The following GAL3ST2 variants were observed in gnomAD, a reference collection of about 807,000 sequenced individuals.
The protein encoded by GAL3ST2 is galactose-3-O-sulfotransferase 2.
GAL3ST2 carries 16 observed loss-of-function variants against 12.9 expected under a neutral mutation model. The ratio of observed to expected loss-of-function variants is 1.24; its 90% CI spans 0.84 to 1.88. The LOEUF is 1.88. Ranked by LOEUF, GAL3ST2 falls within the 40% of genes most tolerant of loss-of-function variation. The pLI, the probability that GAL3ST2 is intolerant of heterozygous loss-of-function variation, is 0.00. For missense variants in GAL3ST2, 639 were observed against 571.8 expected (o/e 1.12, Z -1.20); for synonymous variants, 302 against 273.9 (o/e 1.10, Z -1.01).
At chr2:241,786,303 A>G (rs1282562752) in intron 1 of GAL3ST2, among the ~76,000 whole-genome samples, 1 of 152,032 alleles carries the variant, frequency 6.6e-6, no homozygotes. Context: ...AACAGAGACA[A>G]ACAACAACAA....
intron 1 of GAL3ST2, among the ~76,000 whole-genome samples, chr2:241,796,482 C>T (rs1021249774): frequency 2.0e-5 from 3 of 147,642 alleles, no homozygotes; most frequent in African/African-American, 2.5e-5. Context: ...ATGGTCGTCA[C>T]GTATCAGGGC....
chr2:241,784,463 G>A (rs553313845), intron 1 of GAL3ST2, among the ~76,000 whole-genome samples: 1 of 152,290 alleles, frequency 6.6e-6, no homozygotes, highest in Non-Finnish European at 1.5e-5. Context: ...GAAATTGCTT[G>A]ATTAACAAAT....
intron 1 of GAL3ST2, among the ~76,000 whole-genome samples, chr2:241,788,386 A>AT (rs879352974): frequency 1.9e-4 from 29 of 149,370 alleles, no homozygotes; most frequent in Admixed American, 4.7e-4. Context: ...TCTTGGCTGT[A>AT]TTTTTTTTTT....
intron 1 of GAL3ST2, among the ~76,000 whole-genome samples, chr2:241,788,942 G>A (rs1699660288): frequency 6.6e-6 from 1 of 152,014 alleles, no homozygotes; most frequent in Non-Finnish European, 1.5e-5. Flanking sequence ...AAAAAAAAAA[G>A]TGGGAAACAA....
In GAL3ST2 at chr2:241,801,665, T is replaced by G; in HGVS notation, c.120-116T>G. On this transcript the variant is annotated intron_variant, in intron 2 of 3. Coordinates refer to ENST00000192314, the MANE Select transcript of GAL3ST2 (RefSeq NM_022134.3). This position sits in a 1 kb window ranked among gnomAD's most constrained non-coding sequence, Gnocchi z 4.4. Reference sequence around the variant, plus strand: ...ACCCAGTTGGCCCCCTGGCCTAGAGTTGGGGGGCTCAGGTTGGGAGGTCTC... The same window carrying G: ...ACCCAGTTGGCCCCCTGGCCTAGAGGTGGGGGGCTCAGGTTGGGAGGTCTC... 7.3e-7 allele frequency: 1 copy of G among 1,369,466 alleles called. No homozygotes were observed. The highest frequency in any genetic ancestry group is 9.8e-7 in the Non-Finnish European group (1 of 1,023,642). 84.8% of individuals were successfully genotyped at this position (1,369,466 alleles called of 1,614,324 possible). A position where few individuals can be genotyped will look rare whatever the true frequency, so the allele number is the denominator to read the frequency against.
intron 1 of GAL3ST2, among the ~76,000 whole-genome samples, chr2:241,789,053 C>G (rs751765498): frequency 1.3e-5 from 2 of 152,172 alleles, no homozygotes; most frequent in Admixed American, 1.3e-4. Flanking sequence ...GGAAGTAAGA[C>G]AGTCTTTGTG....
At position 241,803,904 on chromosome 2, in the gene GAL3ST2, C is replaced by G. The variant is rs1324337637; in HGVS notation, c.935C>G (p.Ala312Gly). 3.5e-6 allele frequency: 5 copies of G among 1,414,934 alleles called. No individual in the cohort carries two copies. The highest frequency in any genetic ancestry group is 4.6e-6 in the Non-Finnish European group (5 of 1,092,124). The allele number at this position is 1,414,934 out of a possible 1,614,324, so 87.6% of individuals were successfully genotyped here. A position where few individuals can be genotyped will look rare whatever the true frequency, so the allele number is the denominator to read the frequency against. ...CGCGGGGAGGTGGAGCGGCTGCGCG[C>G]CCGGAGGCGCGAACTCGCGAGCCTG... Reference protein sequence around the residue: ...RLRGEVERLRARRRELASLCL... With the variant: ...RLRGEVERLRGRRRELASLCL... The change falls in exon 4 of 4, where the codon GCC (alanine) becomes GGC (glycine). Residue 312 changes from alanine to glycine, a missense_variant. Transcript: ENST00000192314.
At chr2:241,788,236 G>C (rs1699651020) in intron 1 of GAL3ST2, among the ~76,000 whole-genome samples, 1 of 152,124 alleles carries the variant, frequency 6.6e-6, no homozygotes, top group African/African-American at 2.4e-5. Flanking sequence ...CTGTTTTCCT[G>C]TATTGCATTA....
At chr2:241,778,956 AG>A (rs1185371580) in intron 1 of GAL3ST2, among the ~76,000 whole-genome samples, 5 of 152,092 alleles carry the variant, frequency 3.3e-5, no homozygotes, top group Non-Finnish European at 5.9e-5. Flanking sequence ...CAGTGAGCAG[AG>A]GGGAGACTTT....
chr2:241,798,653 C>T (rs1477495858), intron 1 of GAL3ST2, among the ~76,000 whole-genome samples: 3 of 152,152 alleles, frequency 2.0e-5, no homozygotes, highest in African/African-American at 4.8e-5. Context: ...GTCCATTGCA[C>T]CAAACTCTCA....
At position 241,793,475 on chromosome 2, in the gene GAL3ST2, T is replaced by C. The variant is rs905476514; in HGVS notation, c.30-5590T>C. On this transcript the variant is annotated intron_variant, in intron 1 of 3. Coordinates refer to ENST00000192314, the MANE Select transcript of GAL3ST2 (RefSeq NM_022134.3). The surrounding 1 kb of genome is among the most constrained non-coding windows in gnomAD (Gnocchi z 4.7). ...GTGTATGCGTGTGTATGTGTATGCA[T>C]GTGTATTATATGTACATATTGTGTA... Among the ~76,000 whole-genome samples, 3 of 152,132 alleles carry C rather than the reference T, an allele frequency of 2.0e-5. No individual in the cohort carries two copies. Among genetic ancestry groups the C allele is most frequent in the African/African-American group, 7.2e-5 (3 of 41,414 alleles).
rs777946874 is a variant in GAL3ST2 at position 241,803,563 on chromosome 2, C to A, written c.594C>A (p.Gly198=). ...AGAACAACATGTGGTTCGACTTCGG[C>A]TTCGACCCCAACGCGCAGTGCGAGG... ...YAKNNMWFDF[G]FDPNAQCEEG... is the part of the protein sequence containing the mutation. Residue 198 remains glycine, a synonymous_variant, in exon 4 of 4, where the codon GGC becomes GGA. Transcript: ENST00000192314. 1 of 1,602,246 alleles carries A rather than the reference C, an allele frequency of 6.2e-7. No homozygotes were observed. The highest frequency in any genetic ancestry group is 8.5e-7 in the Non-Finnish European group (1 of 1,174,308).
chr2:241,803,820 A>G lies in GAL3ST2; in HGVS notation c.851A>G (p.Glu284Gly). The G allele has an allele frequency of 1.3e-6, 2 of 1,493,570 alleles. No homozygotes were observed. Among genetic ancestry groups the G allele is most frequent in the Non-Finnish European group, 1.8e-6 (2 of 1,129,918 alleles). The allele number at this position is 1,493,570 out of a possible 1,614,324, so 92.5% of individuals were successfully genotyped here. ...TGCGCGCTGGACTGGCGCCTGTACGAGCATTTCAACCGCACCCTCTGGGCG... is the reference window on the plus strand; with the variant it reads ...TGCGCGCTGGACTGGCGCCTGTACGGGCATTTCAACCGCACCCTCTGGGCG... ...SWCALDWRLY[E>G]HFNRTLWAQL... The change falls in exon 4 of 4, where the codon GAG becomes GGG. Residue 284 changes from glutamate (E) to glycine (G), a missense_variant. Physicochemically the swap from Glu to Gly is moderately conservative, Grantham distance 98 (BLOSUM62 -2). Coordinates refer to ENST00000192314, the MANE Select transcript of GAL3ST2 (RefSeq NM_022134.3).
rs1310370512 is a variant in GAL3ST2, at chr2:241,803,819, G to T, written c.850G>T (p.Glu284Ter). 7 of 1,493,706 alleles carry T rather than the reference G, an allele frequency of 4.7e-6. No homozygotes were observed. The Admixed American group carries it at 1.2e-4, about 26-fold the overall frequency. The allele number at this position is 1,493,706 out of a possible 1,614,324, so 92.5% of individuals were successfully genotyped here. ...GTGCGCGCTGGACTGGCGCCTGTAC[G>T]AGCATTTCAACCGCACCCTCTGGGC... The part of the protein sequence containing the change: ...SWCALDWRLY[E>*]HFNRTLWAQL... Residue 284 changes from glutamate to a stop codon, truncating the protein, a stop_gained, in exon 4 of 4, where the codon GAG (glutamate) becomes TAG (stop). Coordinates refer to ENST00000192314, the MANE Select transcript of GAL3ST2 (RefSeq NM_022134.3). LOFTEE classifies it low-confidence loss of function (END_TRUNC).
At position 241,801,475 on chromosome 2, in the gene GAL3ST2, G is replaced by A; in HGVS notation, c.120-306G>A. The A allele has an allele frequency of 2.1e-6, 1 of 480,508 alleles. No homozygotes were observed. The highest frequency in any genetic ancestry group is 3.7e-6 in the Non-Finnish European group (1 of 269,512). 29.8% of individuals were successfully genotyped at this position (480,508 alleles called of 1,614,324 possible). ...AACTCAGTTTTAAGGTGGGTCTGGG[G>A]TCCCCTTGGCCAAGATGGGGTTCAT... On this transcript the variant is annotated intron_variant, in intron 2 of 3. Coordinates refer to ENST00000192314, the MANE Select transcript of GAL3ST2 (RefSeq NM_022134.3). This position sits in a 1 kb window ranked among gnomAD's most constrained non-coding sequence, Gnocchi z 4.4.
chr2:241,802,569 C>T lies in GAL3ST2; in HGVS notation c.375+533C>T, dbSNP rs1699867033. Among the ~76,000 whole-genome samples, 1 of 133,934 alleles carries T rather than the reference C, an allele frequency of 7.5e-6. No individual in the cohort carries two copies. The highest frequency in any genetic ancestry group is 2.7e-5 in the African/African-American group (1 of 36,596). 87.9% of individuals were successfully genotyped at this position (133,934 alleles called of 152,430 possible). The stretch of plus-strand genomic sequence containing the variant: ...TGACCAGGCGGGGCCAGAGGGAGGC[C>T]GGGTGGGGAGAGGTGATGGGCAGAG... On this transcript the variant is annotated intron_variant, in intron 3 of 3. Transcript: ENST00000192314. The surrounding 1 kb of genome is among the most constrained non-coding windows in gnomAD (Gnocchi z 4.8).
intron 1 of GAL3ST2, among the ~76,000 whole-genome samples, chr2:241,791,027 CT>C (rs2125192987): frequency 6.6e-6 from 1 of 152,282 alleles, no homozygotes; most frequent in Non-Finnish European, 1.5e-5. Flanking sequence ...TTTGTCCCAC[CT>C]TTCTCAATCA....
At chr2:241,787,195 A>G (rs1333828529) in intron 1 of GAL3ST2, among the ~76,000 whole-genome samples, 1 of 152,182 alleles carries the variant, frequency 6.6e-6, no homozygotes, top group Admixed American at 6.5e-5. Flanking sequence ...ATGTCGCCCT[A>G]CAATGTATAC....
At position 241,802,561 on chromosome 2, in the gene GAL3ST2, AG is replaced by A. The variant is rs1451084198; in HGVS notation, c.375+528del. 1.4e-5 allele frequency among the ~76,000 whole-genome samples: 2 copies of A among 141,670 alleles called. No homozygotes were observed. The highest frequency in any genetic ancestry group is 3.1e-5 in the Non-Finnish European group (2 of 64,730). 92.9% of individuals were successfully genotyped at this position (141,670 alleles called of 152,430 possible). ...AGGCTAGGTGACCAGGCGGGGCCAG[AG>A]GGAGGCCGGGTGGGGAGAGGTGATG... On this transcript the variant is annotated intron_variant, in intron 3 of 3. Coordinates refer to ENST00000192314, the MANE Select transcript of GAL3ST2 (RefSeq NM_022134.3). This position sits in a 1 kb window ranked among gnomAD's most constrained non-coding sequence, Gnocchi z 4.8.
Sources: gnomAD v4.1 joint callset for allele counts (sites outside exome capture counted in the v4.1 genomes callset) on GRCh38, gnomAD v4.1.1 for gene constraint, Gnocchi (gnomAD v3.1) non-coding constraint, MANE v1.5 for transcripts, NCBI Gene and HGNC (gene_info 2026-07-23, HGNC 2026-07-21) for gene names.